The following ENDOV variants were observed in gnomAD, a reference collection of about 807,000 sequenced individuals.
ENDOV encodes the protein hEndoV.
Under a neutral mutation model 39.4 loss-of-function variants are expected in ENDOV, and 37 were observed. The observed-to-expected ratio is 0.94, with a 90% CI of 0.72 to 1.23. The LOEUF is 1.23. Ranked by LOEUF, ENDOV falls within the 50% of genes most tolerant of loss-of-function variation. ENDOV has a pLI of 0.00. For missense variants in ENDOV, 441 were observed against 375.7 expected (o/e 1.17, Z -1.44); for synonymous variants, 186 against 163.4 (o/e 1.14, Z -1.05).
chr17:80,431,737 C>T (rs923902149), intron 9 of ENDOV, among the ~76,000 whole-genome samples: 21 of 152,308 alleles, frequency 1.4e-4, no homozygotes, highest in African/African-American at 5.1e-4. Context: ...CTGAGGCTCC[C>T]CTCACCGTGG....
At chr17:80,415,537 C>T (rs995694400) in intron 1 of ENDOV, 113 bp from the exon 2 acceptor site, 1 of 1,364,460 alleles carries the variant, frequency 7.3e-7, no homozygotes, top group Non-Finnish European at 1.0e-6. Flanking sequence ...CTTGCTTTCC[C>T]TTGAAGCGGG....
chr17:80,426,874 C>T (rs1243871834), intron 7 of ENDOV, among the ~76,000 whole-genome samples: 1 of 152,238 alleles, frequency 6.6e-6, no homozygotes, highest in Non-Finnish European at 1.5e-5. Context: ...CGCAGGTCTG[C>T]ACAAGCCATG....
chr17:80,422,339 T>G, intron 4 of ENDOV, 94 bp downstream of exon 4: 1 of 1,469,170 alleles, frequency 6.8e-7, no homozygotes, highest in Non-Finnish European at 9.4e-7. Context: ...TGCTGGGCCC[T>G]CGGCCTCTGC....
At chr17:80,415,873 G>C (rs970700191) in intron 2 of ENDOV, 52 bp downstream of exon 2, 4 of 1,547,392 alleles carry the variant, frequency 2.6e-6, no homozygotes, top group Non-Finnish European at 3.5e-6. Flanking sequence ...GGGCTCGGGC[G>C]TGCGGTCTCC....
chr17:80,415,403 G>A, intron 1 of ENDOV, 153 bp downstream of exon 1: 2 of 1,084,006 alleles, frequency 1.8e-6, no homozygotes, highest in Admixed American at 2.7e-5. Flanking sequence ...GAAGCGGAGG[G>A]ATCTCAGGAA....
intron 8 of ENDOV, among the ~76,000 whole-genome samples, chr17:80,429,056 G>T (rs970686355): frequency 1.3e-5 from 2 of 152,198 alleles, no homozygotes; most frequent in African/African-American, 4.8e-5. Context: ...CAGCTGTGGC[G>T]TTTGCACTCT....
chr17:80,415,618 C>T lies in ENDOV; in HGVS notation c.57-32C>T, dbSNP rs772197576. On this transcript the variant is annotated intron_variant, in intron 1 of 9. Transcript: ENST00000518137. ...GAGGAGGCAGAGTCTGAGGTGTGAC[C>T]CCGACCAAGTTTGACGCTTCTGTCC... The T allele has an allele frequency of 2.5e-6, 4 of 1,604,820 alleles. No homozygotes were observed. The South Asian group carries it at 3.4e-5, about 13-fold the overall frequency.
chr17:80,415,388 G>C, intron 1 of ENDOV, 138 bp downstream of exon 1: 4 of 1,163,038 alleles, frequency 3.4e-6, no homozygotes, highest in East Asian at 2.6e-5. Context: ...CCAGTTTCCG[G>C]CGCGGAAGCG....
At chr17:80,434,918 C>T (rs1302661461) in intron 9 of ENDOV, among the ~76,000 whole-genome samples, 5 of 152,044 alleles carry the variant, frequency 3.3e-5, no homozygotes, top group Admixed American at 3.3e-4. Context: ...TGCATTCCAG[C>T]CTGGGTGACA....
At position 80,436,454 on chromosome 17, in the gene ENDOV, C is replaced by T. The variant is rs185772844; in HGVS notation, c.*311C>T. On this transcript the variant is annotated 3_prime_UTR_variant, in exon 10 of 10. Coordinates refer to ENST00000518137, the MANE Select transcript of ENDOV (RefSeq NM_173627.5). ...CCAGCTGAAGACGGTCCCTTCTAGT[C>T]CTAATTTGTTAAGTGTTTTTATCCT... 6.5e-6 allele frequency: 7 copies of T among 1,073,654 alleles called. No individual in the cohort carries two copies. The East Asian group carries it at 2.1e-4, about 31-fold the overall frequency. The allele number at this position is 1,073,654 out of a possible 1,614,324, so 66.5% of individuals were successfully genotyped here. A position where few individuals can be genotyped will look rare whatever the true frequency, so the allele number is the denominator to read the frequency against.
rs779773085 is a variant in ENDOV at position 80,421,873 on chromosome 17, G to A, written c.274G>A (p.Val92Met). 8.1e-6 allele frequency: 13 copies of A among 1,606,538 alleles called. No individual in the cohort carries two copies. Among genetic ancestry groups the A allele is most frequent in the South Asian group, 2.2e-5 (2 of 89,126 alleles). ...CATGGTCAGCCTCACAGCCCCCTAC[G>A]TGTCGGGCTTCCTGGCCTTCCGAGA... ...SRMVSLTAPY[V>M]SGFLAFREVP... The change falls in exon 3 of 10, where the codon GTG (valine) becomes ATG (methionine). Residue 92 changes from valine to methionine, a missense_variant. By Grantham distance (21) the Val-to-Met change is conservative. Coordinates refer to ENST00000518137, the MANE Select transcript of ENDOV (RefSeq NM_173627.5).
At chr17:80,434,585 G>A (rs1189743512) in intron 9 of ENDOV, among the ~76,000 whole-genome samples, 6 of 152,162 alleles carry the variant, frequency 3.9e-5, no homozygotes, top group Non-Finnish European at 8.8e-5. Context: ...TCCAGGTTCT[G>A]CACACCCTCA....
Position 80,427,697 on chromosome 17 carries a change from C to T in ENDOV, c.715-899C>T, listed in dbSNP as rs2082884483. The T allele has an allele frequency of 2.3e-6, 3 of 1,285,124 alleles. No homozygotes were observed. The African/African-American group carries it at 4.6e-5, about 20-fold the overall frequency. 79.6% of individuals were successfully genotyped at this position (1,285,124 alleles called of 1,614,324 possible). A position where few individuals can be genotyped will look rare whatever the true frequency, so the allele number is the denominator to read the frequency against. ...ACCTCCTGCTCTGTTCCAGAAGGTC[C>T]TGGGAGAGCACAGACGGGGTTAGTG... On this transcript the variant is annotated intron_variant, in intron 7 of 9. Coordinates refer to ENST00000518137, the MANE Select transcript of ENDOV (RefSeq NM_173627.5).
chr17:80,415,172 G>T lies in ENDOV; in HGVS notation c.-23G>T. ...GAGTCGCTTCCGGAAGTGACGTGCG[G>T]AAGGGGTGCCCGGGACGAAGCCATG... On this transcript the variant is annotated 5_prime_UTR_variant, in exon 1 of 10. Transcript: ENST00000518137. 1 of 1,612,196 alleles carries T rather than the reference G, an allele frequency of 6.2e-7. No individual in the cohort carries two copies. The highest frequency in any genetic ancestry group is 8.5e-7 in the Non-Finnish European group (1 of 1,179,360).
chr17:80,421,601 G>T (rs981256788), intron 2 of ENDOV, among the ~76,000 whole-genome samples: 2 of 145,484 alleles, frequency 1.4e-5, no homozygotes, highest in Non-Finnish European at 3.1e-5. Flanking sequence ...GGGGGGGTCT[G>T]CTCCTATGGA....
Position 80,425,723 on chromosome 17 carries a change from A to G in ENDOV, c.714+103A>G, listed in dbSNP as rs541453801. On this transcript the variant is annotated intron_variant, in intron 7 of 9. Coordinates refer to ENST00000518137, the MANE Select transcript of ENDOV (RefSeq NM_173627.5). ...GCTCAGCTGGGGTCAGAGTGCAGTG[A>G]CATGAGGACGGGGGTTCCTGGGCCG... 1.9e-5 allele frequency: 29 copies of G among 1,499,936 alleles called. No individual in the cohort carries two copies. The South Asian group carries it at 3.5e-4, about 18-fold the overall frequency. 92.9% of individuals were successfully genotyped at this position (1,499,936 alleles called of 1,614,324 possible).
chr17:80,433,107 A>G (rs1381792507), intron 9 of ENDOV: 1 of 520,094 alleles, frequency 1.9e-6, no homozygotes, highest in Non-Finnish European at 3.8e-6. Flanking sequence ...TTCCCTGTCC[A>G]GAGCTCCGGG....
intron 9 of ENDOV, chr17:80,430,085 G>T: frequency 1.3e-6 from 2 of 1,535,626 alleles, no homozygotes; most frequent in South Asian, 2.4e-5. Context: ...CACCACCCCA[G>T]GGGGACGCCG....
intron 2 of ENDOV, 94 bp from the exon 3 acceptor site, chr17:80,421,734 A>G: frequency 6.8e-7 from 1 of 1,475,662 alleles, no homozygotes; most frequent in Non-Finnish European, 9.1e-7. Context: ...CGTAAGGGAG[A>G]GGGAAGGATG....
Sources: gnomAD v4.1 joint callset for allele counts (sites outside exome capture counted in the v4.1 genomes callset) on GRCh38, gnomAD v4.1.1 for gene constraint, MANE v1.5 for transcripts, NCBI Gene and HGNC (gene_info 2026-07-23, HGNC 2026-07-21) for gene names.